Variants in GTF2H2C observed in about 807,000 individuals in gnomAD.
GTF2H2C encodes general transcription factor IIH subunit 2-like protein.
GTF2H2C carries 5 observed loss-of-function variants against 24.8 expected under a neutral mutation model. The observed-to-expected ratio is 0.20, with a 90% CI of 0.11 to 0.42. The LOEUF is 0.42. Ranked by LOEUF, GTF2H2C falls within the 20% of genes least tolerant of loss-of-function variation. The pLI, the probability that GTF2H2C is intolerant of heterozygous loss-of-function variation, is 1.00. For missense variants in GTF2H2C, 45 were observed against 169.8 expected (o/e 0.27, Z 4.08); for synonymous variants, 14 against 52.6 (o/e 0.27, Z 3.18).
intron 4 of GTF2H2C, 87 bp from the exon 5 acceptor site, chr5:69,566,502 A>G: frequency 6.8e-7 from 1 of 1,465,372 alleles, no homozygotes; most frequent in Non-Finnish European, 9.2e-7. Flanking sequence ...AAGAAAAACA[A>G]AGGAGGTCAA....
chr5:69,577,430 C>CTT (rs780251022), intron 9 of GTF2H2C, among the ~76,000 whole-genome samples: 5 of 137,538 alleles, frequency 3.6e-5, no homozygotes, highest in Admixed American at 2.2e-4. Flanking sequence ...CTTTTTCTTT[C>CTT]TTTTTTTTTT....
Position 69,593,938 on chromosome 5 carries a change from GAAA to G in GTF2H2C, c.*1764_*1766del, listed in dbSNP as rs1174187959. Among the ~76,000 whole-genome samples the G allele has an allele frequency of 1.2e-3, 50 of 41,750 alleles. No individual in the cohort carries two copies. Among genetic ancestry groups the G allele is most frequent in the Admixed American group, 2.9e-3 (6 of 2,076 alleles). 27.4% of individuals were successfully genotyped at this position (41,750 alleles called of 152,430 possible). A position where few individuals can be genotyped will look rare whatever the true frequency, so the allele number is the denominator to read the frequency against. On this transcript the variant is annotated 3_prime_UTR_variant, in exon 17 of 17. Transcript: ENST00000380729. ...GCGACAGAGCTAGACTCTGTCTCAAGAAAAAAAAAAAAAAAAAAAAAAAAAAGA... is the reference window on the plus strand; with the variant it reads ...GCGACAGAGCTAGACTCTGTCTCAAGAAAAAAAAAAAAAAAAAAAAAAAGA...
At chr5:69,591,461 T>C (rs1005705361) in intron 16 of GTF2H2C, among the ~76,000 whole-genome samples, 2 of 148,674 alleles carry the variant, frequency 1.3e-5, no homozygotes, top group South Asian at 2.1e-4. Context: ...ATTCATTCTT[T>C]TTTTTTTTTT....
chr5:69,573,209 A>G (rs1771182045), intron 9 of GTF2H2C, among the ~76,000 whole-genome samples: 1 of 142,668 alleles, frequency 7.0e-6, no homozygotes, highest in African/African-American at 2.6e-5. Context: ...TTTTCGAGAC[A>G]GAGTCTTGCT....
At chr5:69,561,041 C>G (rs1413306228) in intron 1 of GTF2H2C, among the ~76,000 whole-genome samples, 1 of 152,074 alleles carries the variant, frequency 6.6e-6, no homozygotes, top group Admixed American at 6.5e-5. Flanking sequence ...CAGGTGTGAG[C>G]CACCCACCTG....
At chr5:69,561,620 TTTTATA>T (rs1287534570) in intron 1 of GTF2H2C, among the ~76,000 whole-genome samples, 1 of 143,230 alleles carries the variant, frequency 7.0e-6, no homozygotes, top group Non-Finnish European at 1.5e-5. Flanking sequence ...TGCTATTTAC[TTTTATA>T]TTTATAATAT....
At chr5:69,563,236 A>T in intron 2 of GTF2H2C, among the ~76,000 whole-genome samples, 1 of 111,252 alleles carries the variant, frequency 9.0e-6, no homozygotes, top group Non-Finnish European at 1.6e-5. Flanking sequence ...TTTTTTTGAG[A>T]CGGAGTCTTG....
In GTF2H2C at chr5:69,568,165, G is replaced by GT. The variant is rs1770860442; in HGVS notation, c.323dup (p.Thr109AsnfsTer2). The GT allele has an allele frequency of 2.2e-6, 1 of 449,084 alleles. No homozygotes were observed. The highest frequency in any genetic ancestry group is 3.6e-5 in the East Asian group (1 of 27,636). The allele number at this position is 449,084 out of a possible 1,614,324, so 27.8% of individuals were successfully genotyped here. A position where few individuals can be genotyped will look rare whatever the true frequency, so the allele number is the denominator to read the frequency against. ...TTTTTATTTCAAGATTGGAATAATT[G>GT]TAACTAAGAGTAAAAGAGCTGAAAA... On this transcript the variant is annotated frameshift_variant, in exon 8 of 17. Transcript: ENST00000380729. LOFTEE classifies it high-confidence loss of function.
intron 2 of GTF2H2C, among the ~76,000 whole-genome samples, chr5:69,563,188 C>T (rs1770492887): frequency 6.7e-6 from 1 of 149,106 alleles, no homozygotes; most frequent in Non-Finnish European, 1.5e-5. Context: ...TTACAGATGT[C>T]AGCCATCATA....
intron 4 of GTF2H2C, 63 bp downstream of exon 4, chr5:69,566,271 A>G (rs531007626): frequency 1.2e-5 from 19 of 1,566,206 alleles, no homozygotes; most frequent in Middle Eastern, 2.3e-4. Flanking sequence ...CTTTCTATCT[A>G]TAAATACTCC....
At chr5:69,564,885 G>A (rs1249335087) in intron 2 of GTF2H2C, among the ~76,000 whole-genome samples, 5 of 151,984 alleles carry the variant, frequency 3.3e-5, no homozygotes, top group Non-Finnish European at 7.4e-5. Flanking sequence ...ATTTTTATTG[G>A]TACCAAGTTT....
chr5:69,561,196 T>C (rs1261966319), intron 1 of GTF2H2C, among the ~76,000 whole-genome samples: 1 of 151,844 alleles, frequency 6.6e-6, no homozygotes, highest in Non-Finnish European at 1.5e-5. Context: ...ACGTCTGCAG[T>C]TTTAGGGACC....
rs867989405 is a variant in GTF2H2C at position 69,594,479 on chromosome 5, T to G, written c.*2281T>G. 2.0e-5 allele frequency: 2 copies of G among 99,210 alleles called. No individual in the cohort carries two copies. The highest frequency in any genetic ancestry group is 8.5e-5 in the African/African-American group (2 of 23,544). The allele number at this position is 99,210 out of a possible 1,614,324, so 6.1% of individuals were successfully genotyped here. A position where few individuals can be genotyped will look rare whatever the true frequency, so the allele number is the denominator to read the frequency against. Reference sequence around the variant, plus strand: ...CACACACACACACACACACACACACTGATCAGAGTAACGGGAGTTTCTCTC... The same window carrying G: ...CACACACACACACACACACACACACGGATCAGAGTAACGGGAGTTTCTCTC... On this transcript the variant is annotated 3_prime_UTR_variant, in exon 17 of 17. Transcript: ENST00000380729.
intron 2 of GTF2H2C, among the ~76,000 whole-genome samples, chr5:69,563,501 A>G (rs986077256): frequency 1.4e-4 from 21 of 151,776 alleles, no homozygotes; most frequent in African/African-American, 4.1e-4. Flanking sequence ...GGATGGAGCC[A>G]CTGCACCTGG....
At chr5:69,568,553 A>G (rs79323935) in intron 8 of GTF2H2C, 3,219 of 108,704 alleles carry the variant, frequency 0.03, no homozygotes, top group Admixed American at 0.039. Context: ...GCTAGAGTGC[A>G]GTGGCACAAT....
intron 9 of GTF2H2C, among the ~76,000 whole-genome samples, chr5:69,573,449 C>G (rs893413824): frequency 3.0e-5 from 2 of 67,696 alleles, no homozygotes; most frequent in Non-Finnish European, 5.9e-5. Context: ...CTCCCTAAAG[C>G]TTATATATTT....
In GTF2H2C at chr5:69,560,284, CAGGCCGTCTGACTAGCT is replaced by C. The variant is rs1399107053; in HGVS notation, c.-246_-230del. The C allele has an allele frequency of 7.2e-5, 11 of 152,386 alleles. No homozygotes were observed. The highest frequency in any genetic ancestry group is 1.5e-4 in the Non-Finnish European group (10 of 68,272). 9.4% of individuals were successfully genotyped at this position (152,386 alleles called of 1,614,324 possible). The stretch of plus-strand genomic sequence containing the variant: ...AAGTCTGTGAGGCGCAGAGGTGGGG[CAGGCCGTCTGACTAGCT>C]AGGCGGCTGGGAGCGTTTTCGTGGC... On this transcript the variant is annotated 5_prime_UTR_variant, in exon 1 of 17. Transcript: ENST00000380729.
At chr5:69,568,326 A>G in intron 8 of GTF2H2C, 119 bp downstream of exon 8, 1 of 428,396 alleles carries the variant, frequency 2.3e-6, no homozygotes, top group Non-Finnish European at 4.3e-6. Context: ...TGTCTTCTCT[A>G]GGTGAAACAA....
At position 69,566,550 on chromosome 5, in the gene GTF2H2C, A is replaced by G. The variant is rs777108494; in HGVS notation, c.135-39A>G. 307 of 887,638 alleles carry G rather than the reference A, an allele frequency of 3.5e-4. 1 individual carries two copies. The highest frequency in any genetic ancestry group is 3.9e-4 in the Non-Finnish European group (228 of 580,286). 55.0% of individuals were successfully genotyped at this position (887,638 alleles called of 1,614,324 possible). A position where few individuals can be genotyped will look rare whatever the true frequency, so the allele number is the denominator to read the frequency against. On this transcript the variant is annotated intron_variant, in intron 4 of 16. Coordinates refer to ENST00000380729, the MANE Select transcript of GTF2H2C (RefSeq NM_001376000.2). ...ATTTTTTTTTGTGGGGGGGGATAGT[A>G]TATGGAATTACATTAAAATGTTTGT...
Sources: allele counts gnomAD v4.1 joint callset (sites outside exome capture counted in the v4.1 genomes callset), GRCh38; gene constraint gnomAD v4.1.1; transcripts MANE v1.5; gene names NCBI Gene and HGNC (gene_info 2026-07-23, HGNC 2026-07-21).